The following C16orf78 variants were observed in gnomAD, a reference collection of about 807,000 sequenced individuals.
C16orf78 encodes uncharacterized protein C16orf78.
In C16orf78, 19 loss-of-function variants were observed where a neutral mutation model predicts 27.3. That is an observed-to-expected ratio of 0.70 (90% CI 0.49 to 1.02). The LOEUF (loss-of-function observed/expected upper bound fraction) is 1.02, where lower values mean the gene tolerates loss of function less well. Among genes scored for constraint, C16orf78 ranks in the 50% least tolerant of loss-of-function variants. C16orf78 has a pLI of 0.00. For synonymous variants in C16orf78, 130 were observed against 116.1 expected, an observed-to-expected ratio of 1.12 and a Z score of -0.77; for missense variants, 339 against 337.0, an observed-to-expected ratio of 1.01 and a Z score of -0.05.
chr16:49,378,255 T>C (rs1157232437), intron 2 of C16orf78, among the ~76,000 whole-genome samples: 1 of 151,788 alleles, frequency 6.6e-6, no homozygotes, highest in East Asian at 1.9e-4. Context: ...ACCCCTCCGA[T>C]ATATGGTGGG....
At position 49,391,811 on chromosome 16, in the gene C16orf78, G is replaced by A. The variant is rs114223505; in HGVS notation, c.395-4612G>A. ...AAGAGGATCAGATATTTCAGGAAAG[G>A]TGATTGCCCTTTCTCCAAGGAATTT... On this transcript the variant is annotated intron_variant, in intron 3 of 4. Transcript: ENST00000299191. 4.7e-3 allele frequency among the ~76,000 whole-genome samples: 710 copies of A among 152,292 alleles called. 3 individuals carry two copies. The highest frequency in any genetic ancestry group is 0.016 in the African/African-American group (668 of 41,554).
intron 1 of C16orf78, among the ~76,000 whole-genome samples, chr16:49,377,509 G>A (rs1173643322): frequency 2.0e-5 from 3 of 152,166 alleles, no homozygotes; most frequent in African/African-American, 7.2e-5. Flanking sequence ...GAGAGGAACA[G>A]GACCAGGCCT....
At chr16:49,377,137 G>T (rs1047650219) in intron 1 of C16orf78, among the ~76,000 whole-genome samples, 9 of 152,222 alleles carry the variant, frequency 5.9e-5, no homozygotes, top group African/African-American at 2.2e-4. Flanking sequence ...CCAGGAATGT[G>T]CCATGCACAG....
chr16:49,391,436 T>C (rs1175251205), intron 3 of C16orf78, among the ~76,000 whole-genome samples: 1 of 152,176 alleles, frequency 6.6e-6, no homozygotes, highest in East Asian at 1.9e-4. Flanking sequence ...TCACTAGAAA[T>C]ATAACCTATC....
At position 49,396,487 on chromosome 16, in the gene C16orf78, A is replaced by G. The variant is rs1437436229; in HGVS notation, c.459A>G (p.Gln153=). 5 of 1,614,088 alleles carry G rather than the reference A, an allele frequency of 3.1e-6. No homozygotes were observed. The Admixed American group carries it at 8.3e-5, about 27-fold the overall frequency. Residue 153 remains glutamine, a synonymous_variant, in exon 4 of 5, where the codon CAA becomes CAG. Coordinates refer to ENST00000299191, the MANE Select transcript of C16orf78 (RefSeq NM_144602.4). ...STQRPNPFRR[Q]SIVLDPMLQE... Reference sequence around the variant, plus strand: ...AGCGGCCAAACCCATTCCGTCGACAAAGCATTGTCTTAGATCCCATGTTAC... The same window carrying G: ...AGCGGCCAAACCCATTCCGTCGACAGAGCATTGTCTTAGATCCCATGTTAC...
chr16:49,381,305 T>C (rs1418068509), intron 3 of C16orf78, among the ~76,000 whole-genome samples: 1 of 152,196 alleles, frequency 6.6e-6, no homozygotes. Flanking sequence ...CTCTTTTATT[T>C]CGTTGAGCAG....
intron 3 of C16orf78, among the ~76,000 whole-genome samples, chr16:49,394,902 C>T (rs750179773): frequency 2.0e-5 from 3 of 152,142 alleles, no homozygotes; most frequent in African/African-American, 7.2e-5. Context: ...GGGTCTTACT[C>T]TGTCACCCAG....
chr16:49,399,082 C>A (rs1174193999), intron 4 of C16orf78, 49 bp from the exon 5 acceptor site: 2 of 1,586,620 alleles, frequency 1.3e-6, no homozygotes, highest in Non-Finnish European at 1.7e-6. Context: ...AAGTTAGAAG[C>A]TGCTGTGACT....
rs1258865268 is a variant in C16orf78, at chr16:49,396,523, C to A, written c.495C>A (p.Thr165=). Residue 165 remains threonine (T), a synonymous_variant, in exon 4 of 5, where the codon ACC becomes ACA. Transcript: ENST00000299191. ...TAGATCCCATGTTACAGGAGGGTAC[C>A]TTTAACAGCCAGAGGGCAACCTTCA... ...IVLDPMLQEG[T]FNSQRATFIR... 2.5e-6 allele frequency: 4 copies of A among 1,614,204 alleles called. No individual in the cohort carries two copies. Among genetic ancestry groups the A allele is most frequent in the African/African-American group, 1.3e-5 (1 of 75,052 alleles).
At chr16:49,384,346 CAAAAAAAAAAAA>C (rs771147270) in intron 3 of C16orf78, among the ~76,000 whole-genome samples, 1 of 50,966 alleles carries the variant, frequency 2.0e-5, no homozygotes, top group Non-Finnish European at 4.0e-5. Flanking sequence ...AAAACTCCAT[CAAAAAAAAAAAA>C]AAAAAAAAAA....
At chr16:49,395,477 T>A (rs1479998654) in intron 3 of C16orf78, among the ~76,000 whole-genome samples, 1 of 151,982 alleles carries the variant, frequency 6.6e-6, no homozygotes, top group Non-Finnish European at 1.5e-5. Flanking sequence ...TTTTTTCTCA[T>A]CAGCTATCAT....
intron 1 of C16orf78, among the ~76,000 whole-genome samples, 185 bp from the exon 2 acceptor site, chr16:49,377,546 G>A (rs1965234240): frequency 6.6e-6 from 1 of 152,062 alleles, no homozygotes; most frequent in Non-Finnish European, 1.5e-5. Context: ...CTCTGGGGGC[G>A]GCGACATGTA....
At chr16:49,391,780 G>A (rs1421901143) in intron 3 of C16orf78, among the ~76,000 whole-genome samples, 1 of 152,136 alleles carries the variant, frequency 6.6e-6, no homozygotes, top group Non-Finnish European at 1.5e-5. Flanking sequence ...GACCCACCTT[G>A]CATGGAAGAG....
In C16orf78 at chr16:49,377,816, GA is replaced by G; in HGVS notation, c.237del (p.Asn81ThrfsTer12). ...GGCAAAGGCCTCATGACAGCACGGG[GA>G]GGGAACCGCAGGGACACGGAGACTT... Reference protein sequence around the residue: ...KKGKGLMTARGGNRRDTETSQ... With the variant: ...KKGKGLMTARXGNRRDTETSQ... On this transcript the variant is annotated frameshift_variant, in exon 2 of 5. Coordinates refer to ENST00000299191, the MANE Select transcript of C16orf78 (RefSeq NM_144602.4). LOFTEE classifies it high-confidence loss of function. 6.3e-7 allele frequency: 1 copy of G among 1,587,280 alleles called. No homozygotes were observed. Among genetic ancestry groups the G allele is most frequent in the Admixed American group, 1.8e-5 (1 of 56,024 alleles).
intron 3 of C16orf78, among the ~76,000 whole-genome samples, chr16:49,379,318 G>A (rs895864931): frequency 1.3e-5 from 2 of 151,922 alleles, no homozygotes; most frequent in Non-Finnish European, 1.5e-5. Context: ...TTACTGTGGT[G>A]TTGGAAAAAC....
chr16:49,385,860 C>G (rs1014222169), intron 3 of C16orf78, among the ~76,000 whole-genome samples: 1 of 151,908 alleles, frequency 6.6e-6, no homozygotes, highest in African/African-American at 2.4e-5. Context: ...TAAGTTTTTA[C>G]CTATTGATAA....
intron 1 of C16orf78, among the ~76,000 whole-genome samples, chr16:49,376,405 G>A (rs969738872): frequency 2.0e-5 from 3 of 152,198 alleles, no homozygotes; most frequent in African/African-American, 4.8e-5. Context: ...GGCTGTGTGG[G>A]GAGCTACTCA....
intron 3 of C16orf78, among the ~76,000 whole-genome samples, chr16:49,386,111 A>G (rs1164146560): frequency 6.6e-6 from 1 of 152,214 alleles, no homozygotes; most frequent in Non-Finnish European, 1.5e-5. Flanking sequence ...ACAAGAAAAA[A>G]AGAAGCTTGT....
intron 3 of C16orf78, among the ~76,000 whole-genome samples, chr16:49,392,909 T>C (rs1965429924): frequency 6.6e-6 from 1 of 152,202 alleles, no homozygotes; most frequent in Admixed American, 6.5e-5. Flanking sequence ...AATTGAATCA[T>C]GGAGGCAGGT....
Sources: allele counts gnomAD v4.1 joint callset (sites outside exome capture counted in the v4.1 genomes callset), GRCh38; gene constraint gnomAD v4.1.1; transcripts MANE v1.5; gene names NCBI Gene and HGNC (gene_info 2026-07-23, HGNC 2026-07-21).